Variants in ZNF236 observed in about 807,000 individuals in gnomAD.
ZNF236 encodes zinc finger protein 236.
A neutral mutation model predicts 191.2 loss-of-function variants in ZNF236; 50 were observed. The ratio of observed to expected loss-of-function variants is 0.26; its 90% CI spans 0.21 to 0.33. The LOEUF is 0.33. Among genes scored for constraint, ZNF236 ranks in the 10% least tolerant of loss-of-function variants. The pLI is 1.00. For missense variants in ZNF236, 1,754 were observed against 2,374.5 expected (o/e 0.74, Z 5.43); for synonymous variants, 907 against 928.8 (o/e 0.98, Z 0.43).
chr18:76,878,333 G>C (rs1396671797), intron 7 of ZNF236, among the ~76,000 whole-genome samples, 181 bp downstream of exon 7: 1 of 152,124 alleles, frequency 6.6e-6, no homozygotes, highest in Non-Finnish European at 1.5e-5. Flanking sequence ...ATAATTAGAT[G>C]ACTGATTCAG....
At position 76,880,212 on chromosome 18, in the gene ZNF236, C is replaced by G. The variant is rs200963052; in HGVS notation, c.1084C>G (p.Gln362Glu). Residue 362 changes from glutamine (Q) to glutamate (E), a missense_variant, in exon 8 of 31, where the codon CAG becomes GAG. Gln to Glu is a conservative substitution (Grantham distance 29, BLOSUM62 2). Around this residue, in one of 5 missense-constraint regions of ZNF236, gnomAD observed 336 missense variants for 495.1 expected, o/e 0.68. Coordinates refer to ENST00000320610, the MANE Select transcript of ZNF236 (RefSeq NM_001306089.2). The surrounding 1 kb of genome is among the most constrained non-coding windows in gnomAD (Gnocchi z 5.0). ...CCAGGCGGTGAGCGACGTCATCCAGCAGCTCCTGGAGCTCTCAGAGCCGGC... is the reference window on the plus strand; with the variant it reads ...CCAGGCGGTGAGCGACGTCATCCAGGAGCTCCTGGAGCTCTCAGAGCCGGC... Reference protein sequence around the residue: ...SSQAVSDVIQQLLELSEPAPV... With the variant: ...SSQAVSDVIQELLELSEPAPV... 6.2e-7 allele frequency: 1 copy of G among 1,614,158 alleles called. No homozygotes were observed. The highest frequency in any genetic ancestry group is 1.7e-5 in the Admixed American group (1 of 60,032).
chr18:76,960,029 A>G lies in ZNF236; in HGVS notation c.5242+213A>G, dbSNP rs532936624. Among the ~76,000 whole-genome samples the G allele has an allele frequency of 1.3e-3, 193 of 152,330 alleles. 1 individual carries two copies. The highest frequency in any genetic ancestry group is 2.1e-3 in the Non-Finnish European group (144 of 68,032). Reference sequence around the variant, plus strand: ...ATTTTGCTGCTTACATTATGACCATATGAAACAGAAGCATCAGGCAAGCCT... The same window carrying G: ...ATTTTGCTGCTTACATTATGACCATGTGAAACAGAAGCATCAGGCAAGCCT... On this transcript the variant is annotated intron_variant, in intron 29 of 30. Coordinates refer to ENST00000320610, the MANE Select transcript of ZNF236 (RefSeq NM_001306089.2). The surrounding 1 kb of genome is among the most constrained non-coding windows in gnomAD (Gnocchi z 4.4).
rs1043480240 is a variant in ZNF236 at position 76,927,792 on chromosome 18, G to A, written c.4415-135G>A. Reference sequence around the variant, plus strand: ...CTTCTTAGACGAAGGAATTAGAGATGACTGATGCTTTGTTTTAAATCTTTG... The same window carrying A: ...CTTCTTAGACGAAGGAATTAGAGATAACTGATGCTTTGTTTTAAATCTTTG... On this transcript the variant is annotated intron_variant, in intron 24 of 30. Transcript: ENST00000320610. This position sits in a 1 kb window ranked among gnomAD's most constrained non-coding sequence, Gnocchi z 5.4. 135 of 838,988 alleles carry A rather than the reference G, an allele frequency of 1.6e-4. No individual in the cohort carries two copies. Among genetic ancestry groups the A allele is most frequent in the Non-Finnish European group, 2.3e-4 (130 of 563,662 alleles). 52.0% of individuals were successfully genotyped at this position (838,988 alleles called of 1,614,324 possible). A position where few individuals can be genotyped will look rare whatever the true frequency, so the allele number is the denominator to read the frequency against.
At chr18:76,874,295 G>A (rs1976658013) in intron 5 of ZNF236, among the ~76,000 whole-genome samples, 2 of 152,140 alleles carry the variant, frequency 1.3e-5, no homozygotes, top group Admixed American at 1.3e-4. Context: ...AGAGAAGCAG[G>A]GATCTGATGT....
intron 25 of ZNF236, among the ~76,000 whole-genome samples, chr18:76,932,453 G>A (rs1056474350): frequency 2.0e-5 from 3 of 152,228 alleles, no homozygotes; most frequent in African/African-American, 7.2e-5. Context: ...TAAAGGATCA[G>A]GCAGTGTGTT....
rs1416401169 is a variant in ZNF236, at chr18:76,971,583, A to G, written c.*3244A>G. 6.6e-6 allele frequency among the ~76,000 whole-genome samples: 1 copy of G among 152,196 alleles called. No individual in the cohort carries two copies. Among genetic ancestry groups the G allele is most frequent in the Non-Finnish European group, 1.5e-5 (1 of 68,036 alleles). On this transcript the variant is annotated 3_prime_UTR_variant, in exon 31 of 31. Transcript: ENST00000320610. ...GTGTTCTGTGTCTTCCTTTGAACTC[A>G]TATCACATTTATTACAAGAGACGCA...
intron 13 of ZNF236, among the ~76,000 whole-genome samples, chr18:76,907,629 G>A (rs749355019): frequency 6.6e-6 from 1 of 151,982 alleles, no homozygotes; most frequent in Admixed American, 6.6e-5. Flanking sequence ...CGCCTGGCCG[G>A]CTCTTTGTCT....
chr18:76,897,038 CCACAGGTACTGCA>C (rs1474405952), intron 10 of ZNF236, among the ~76,000 whole-genome samples: 1 of 150,370 alleles, frequency 6.7e-6, no homozygotes, highest in East Asian at 2.0e-4. Flanking sequence ...ACAGTACTGC[CCACAGGTACTGCA>C]CACAATACCC....
intron 9 of ZNF236, among the ~76,000 whole-genome samples, chr18:76,889,307 C>T (rs1220027180): frequency 6.6e-6 from 1 of 152,224 alleles, no homozygotes; most frequent in Non-Finnish European, 1.5e-5. Flanking sequence ...TCCATGCACA[C>T]ATCTGTCTTG....
chr18:76,853,073 T>C (rs1975927937), intron 3 of ZNF236, among the ~76,000 whole-genome samples: 1 of 151,756 alleles, frequency 6.6e-6, no homozygotes, highest in Non-Finnish European at 1.5e-5. Flanking sequence ...ACTTCACACT[T>C]TCTGTTTTTT....
intron 27 of ZNF236, among the ~76,000 whole-genome samples, chr18:76,952,929 A>G (rs1968442582): frequency 6.6e-6 from 1 of 152,230 alleles, no homozygotes; most frequent in Admixed American, 6.5e-5. Flanking sequence ...TCCTGGTCCA[A>G]AGTAAGCACT....
At chr18:76,961,540 A>G (rs928062186) in intron 30 of ZNF236, among the ~76,000 whole-genome samples, 62 of 152,054 alleles carry the variant, frequency 4.1e-4, no homozygotes, top group African/African-American at 1.5e-3. Flanking sequence ...TCATACAATG[A>G]AAAAGATTCT....
intron 3 of ZNF236, among the ~76,000 whole-genome samples, chr18:76,864,620 C>A (rs1329972857): frequency 6.6e-6 from 1 of 151,110 alleles, no homozygotes; most frequent in African/African-American, 2.4e-5. Flanking sequence ...ATACACTGTT[C>A]TTCTCCTTAT....
At chr18:76,947,437 G>T in intron 26 of ZNF236, 84 bp from the exon 27 acceptor site, 2 of 1,500,408 alleles carry the variant, frequency 1.3e-6, no homozygotes, top group Non-Finnish European at 1.8e-6. Context: ...GTTTTCCAAG[G>T]TAGCTGCACC....
At chr18:76,959,433 A>G (rs1968607494) in intron 28 of ZNF236, among the ~76,000 whole-genome samples, 4 of 152,180 alleles carry the variant, frequency 2.6e-5, no homozygotes. Context: ...TATTTGGGAC[A>G]CAGATGTGGC....
intron 28 of ZNF236, 125 bp from the exon 29 acceptor site, chr18:76,959,562 C>A (rs1968610266): frequency 8.5e-7 from 1 of 1,171,492 alleles, no homozygotes; most frequent in Non-Finnish European, 1.2e-6. Context: ...GAACACAAAT[C>A]ACAGATTAGC....
intron 5 of ZNF236, among the ~76,000 whole-genome samples, chr18:76,874,770 C>T (rs927302135): frequency 1.1e-3 from 5 of 4,734 alleles, no homozygotes; most frequent in Non-Finnish European, 1.8e-3. Flanking sequence ...ATTTCAGAGG[C>T]CCGGAAGTGG....
chr18:76,949,690 G>GCT (rs1214684551), intron 27 of ZNF236, among the ~76,000 whole-genome samples: 3 of 138,304 alleles, frequency 2.2e-5, no homozygotes, highest in Non-Finnish European at 4.7e-5. Context: ...ACAGAGTCTT[G>GCT]CTCTGTTGCC....
chr18:76,914,045 CT>C, intron 18 of ZNF236, 147 bp downstream of exon 18: 1 of 887,146 alleles, frequency 1.1e-6, no homozygotes, highest in Non-Finnish European at 1.7e-6. Flanking sequence ...ACCATCAAAA[CT>C]GTAATTTTAG....
Sources: allele counts gnomAD v4.1 joint callset (sites outside exome capture counted in the v4.1 genomes callset), GRCh38; gene constraint gnomAD v4.1.1; regional missense constraint gnomAD v4.1.1; non-coding constraint Gnocchi (gnomAD v3.1); transcripts MANE v1.5; gene names NCBI Gene and HGNC (gene_info 2026-07-23, HGNC 2026-07-21).